Variants in CFAP100 observed in about 807,000 individuals in gnomAD.
CFAP100 encodes cilia- and flagella-associated protein 100.
CFAP100 carries 70 observed loss-of-function variants against 81.5 expected under a neutral mutation model. The observed-to-expected ratio is 0.86, with a 90% CI of 0.71 to 1.05. The LOEUF (loss-of-function observed/expected upper bound fraction) is 1.05, where lower values mean the gene tolerates loss of function less well. Ranked by LOEUF, CFAP100 falls within the 50% of genes least tolerant of loss-of-function variation. The probability of loss-of-function intolerance (pLI) is 0.00; values close to 1 mark genes in which losing one functional copy is unlikely to be tolerated. For missense variants in CFAP100, 811 were observed against 776.5 expected (o/e 1.04, Z -0.53); for synonymous variants, 341 against 314.8 (o/e 1.08, Z -0.88).
chr3:126,418,779 G>A lies in CFAP100; in HGVS notation c.650+5G>A, dbSNP rs767721532. On this transcript the variant is annotated splice_donor_5th_base_variant and intron_variant, in intron 7 of 16. Transcript: ENST00000352312. ...CTCCGTGCAGGCCATGAGAGCGTGA[G>A]CCTGCGGGCCCGAGGGGCTGGCTGG... 2.5e-6 allele frequency: 4 copies of A among 1,579,466 alleles called. No individual in the cohort carries two copies. The Admixed American group carries it at 7.6e-5, about 30-fold the overall frequency.
Position 126,414,057 on chromosome 3 carries a change from C to T in CFAP100, c.131-28C>T, listed in dbSNP as rs767628738. The T allele has an allele frequency of 3.8e-5, 59 of 1,555,534 alleles. No individual in the cohort carries two copies. The South Asian group carries it at 6.1e-4, about 16-fold the overall frequency. ...CCACCGCCTGGAAGAGCTGGCTCCC[C>T]TTTCCAGAGAGGTGTCTCCCTTTCC... On this transcript the variant is annotated intron_variant, in intron 3 of 16. Coordinates refer to ENST00000352312, the MANE Select transcript of CFAP100 (RefSeq NM_182628.3).
rs551502549 is a variant in CFAP100, at chr3:126,421,112, C to T, written c.1082+883C>T. Among the ~76,000 whole-genome samples the T allele has an allele frequency of 2.6e-5, 4 of 152,332 alleles. No homozygotes were observed. In the East Asian group the frequency reaches 5.8e-4, roughly 22 times the overall value. ...CCGCCTCCCAGGTTCAAGCGATTCT[C>T]TTGTCTCAGCCTCCCGAGTAGCTGG... On this transcript the variant is annotated intron_variant, in intron 11 of 16. Coordinates refer to ENST00000352312, the MANE Select transcript of CFAP100 (RefSeq NM_182628.3).
At chr3:126,407,636 C>T (rs2083087951) in intron 3 of CFAP100, among the ~76,000 whole-genome samples, 1 of 152,154 alleles carries the variant, frequency 6.6e-6, no homozygotes. Flanking sequence ...TGATTCCAGG[C>T]AGGGAAAAGT....
In CFAP100 at chr3:126,416,438, GGC is replaced by G. The variant is rs758346354; in HGVS notation, c.355_356del (p.Ala119ArgfsTer27). 2.5e-6 allele frequency: 4 copies of G among 1,611,272 alleles called. No homozygotes were observed. Among genetic ancestry groups the G allele is most frequent in the South Asian group, 1.1e-5 (1 of 90,864 alleles). ...TGGAGGACAAGCAGGAGGACCTGGA[GGC>G]GCGCGCCGAGGCCGAGCATCAGCGC... ...QLEDKQEDLE[A>X]RAEAEHQRAF... On this transcript the variant is annotated frameshift_variant, in exon 5 of 17. Transcript: ENST00000352312. LOFTEE classifies it high-confidence loss of function.
In CFAP100 at chr3:126,435,658, C is replaced by A. The variant is rs374044266; in HGVS notation, c.1722+6C>A. The A allele has an allele frequency of 6.2e-7, 1 of 1,608,826 alleles. No homozygotes were observed. Among genetic ancestry groups the A allele is most frequent in the African/African-American group, 1.3e-5 (1 of 74,896 alleles). On this transcript the variant is annotated splice_donor_region_variant and intron_variant, in intron 16 of 16. Transcript: ENST00000352312. ...AGGCTGAGATCAAGAAGAAGGTAGG[C>A]AGGGTCGCCTTGGGGGGTCTCTGCT... is the stretch of plus-strand genomic sequence containing the variant.
At position 126,409,815 on chromosome 3, in the gene CFAP100, T is replaced by C. The variant is rs932983007; in HGVS notation, c.130+2563T>C. ...CGATTTCTTGGAGCTCTTTACTGGATAGAAGTCATTTGCTAGTTCTGAGTA... is the reference window on the plus strand; with the variant it reads ...CGATTTCTTGGAGCTCTTTACTGGACAGAAGTCATTTGCTAGTTCTGAGTA... On this transcript the variant is annotated intron_variant, in intron 3 of 16. Transcript: ENST00000352312. Among the ~76,000 whole-genome samples the C allele has an allele frequency of 3.9e-5, 6 of 152,344 alleles. No homozygotes were observed. In the East Asian group the frequency reaches 1.2e-3, roughly 29 times the overall value.
At chr3:126,430,861 G>A (rs567876477) in intron 13 of CFAP100, among the ~76,000 whole-genome samples, 1 of 152,090 alleles carries the variant, frequency 6.6e-6, no homozygotes, top group South Asian at 2.1e-4. Context: ...TTCACTGGGA[G>A]TCTATAAGAC....
At chr3:126,419,609 C>T (rs1474044178) in intron 8 of CFAP100, 28 bp from the exon 9 acceptor site, 1 of 1,606,284 alleles carries the variant, frequency 6.2e-7, no homozygotes, top group Non-Finnish European at 8.5e-7. Context: ...CCTCCTCCTT[C>T]CCACATCCTC....
chr3:126,402,999 G>GA (rs1208692260), intron 2 of CFAP100, among the ~76,000 whole-genome samples: 1 of 152,148 alleles, frequency 6.6e-6, no homozygotes, highest in Non-Finnish European at 1.5e-5. Context: ...GGGTGTCGGG[G>GA]ATGCCTTGTC....
In CFAP100 at chr3:126,435,671, G is replaced by A; in HGVS notation, c.1722+19G>A. 6.2e-7 allele frequency: 1 copy of A among 1,602,452 alleles called. No individual in the cohort carries two copies. The highest frequency in any genetic ancestry group is 8.5e-7 in the Non-Finnish European group (1 of 1,171,798). ...GAAGAAGGTAGGCAGGGTCGCCTTG[G>A]GGGGTCTCTGCTGGAGGGGGTCCCA... On this transcript the variant is annotated intron_variant, in intron 16 of 16. Coordinates refer to ENST00000352312, the MANE Select transcript of CFAP100 (RefSeq NM_182628.3).
chr3:126,423,592 GAGA>G lies in CFAP100; in HGVS notation c.1238_1240del (p.Lys413del), dbSNP rs775661056. On this transcript the variant is annotated inframe_deletion, in exon 13 of 17. Coordinates refer to ENST00000352312, the MANE Select transcript of CFAP100 (RefSeq NM_182628.3). ...GCTGATCCAGAACAGCCAGGAGACG[GAGA>G]AGACCCTGGAGGAGCTGAGCCACAC... 11 of 1,254,644 alleles carry G rather than the reference GAGA, an allele frequency of 8.8e-6. No individual in the cohort carries two copies. The highest frequency in any genetic ancestry group is 1.4e-5 in the South Asian group (1 of 73,698). The allele number at this position is 1,254,644 out of a possible 1,614,324, so 77.7% of individuals were successfully genotyped here.
At chr3:126,411,728 T>C (rs1185238895) in intron 3 of CFAP100, among the ~76,000 whole-genome samples, 1 of 152,210 alleles carries the variant, frequency 6.6e-6, no homozygotes, top group Non-Finnish European at 1.5e-5. Flanking sequence ...AATGATCTTT[T>C]GTATTTCTGT....
chr3:126,396,236 G>C lies in CFAP100; in HGVS notation c.49+187G>C, dbSNP rs1034041455. Among the ~76,000 whole-genome samples the C allele has an allele frequency of 2.6e-5, 4 of 152,194 alleles. No homozygotes were observed. The East Asian group carries it at 5.8e-4, about 22-fold the overall frequency. On this transcript the variant is annotated intron_variant, in intron 2 of 16. Coordinates refer to ENST00000352312, the MANE Select transcript of CFAP100 (RefSeq NM_182628.3). ...TGTAACAAAGCACCACCACAAACTG[G>C]GGGGCTGGAGTCACAGACATTTGTT... is the stretch of plus-strand genomic sequence containing the variant.
At chr3:126,418,240 C>A in intron 5 of CFAP100, 1 of 573,354 alleles carries the variant, frequency 1.7e-6, no homozygotes, top group Non-Finnish European at 3.1e-6. Flanking sequence ...CCCACGCGGC[C>A]GGACTCTGGC....
At chr3:126,435,749 T>C in intron 16 of CFAP100, 97 bp downstream of exon 16, 1 of 942,316 alleles carries the variant, frequency 1.1e-6, no homozygotes, top group Non-Finnish European at 1.6e-6. Context: ...GCTACCACTC[T>C]GAAGGCATTC....
chr3:126,426,353 C>T (rs1932938692), intron 13 of CFAP100, among the ~76,000 whole-genome samples: 2 of 151,826 alleles, frequency 1.3e-5, no homozygotes, highest in Non-Finnish European at 2.9e-5. Context: ...GTCCTAGCTA[C>T]TTGGCAGGCT....
chr3:126,408,905 C>A (rs2083112532), intron 3 of CFAP100, among the ~76,000 whole-genome samples: 1 of 152,192 alleles, frequency 6.6e-6, no homozygotes, highest in South Asian at 2.1e-4. Flanking sequence ...CCTCCTGCTT[C>A]AGCCTGCCGG....
intron 7 of CFAP100, 42 bp from the exon 8 acceptor site, chr3:126,419,034 C>A: frequency 1.0e-6 from 1 of 980,696 alleles, no homozygotes; most frequent in Non-Finnish European, 1.5e-6. Context: ...CTGCCACTGG[C>A]CCCTTGCCCC....
At chr3:126,404,581 G>C (rs1396433235) in intron 2 of CFAP100, among the ~76,000 whole-genome samples, 2 of 152,218 alleles carry the variant, frequency 1.3e-5, no homozygotes, top group Non-Finnish European at 2.9e-5. Flanking sequence ...TTAGGTATGG[G>C]ACAATAAAGA....
Sources: allele counts gnomAD v4.1 joint callset (sites outside exome capture counted in the v4.1 genomes callset), GRCh38; gene constraint gnomAD v4.1.1; transcripts MANE v1.5; gene names NCBI Gene and HGNC (gene_info 2026-07-23, HGNC 2026-07-21).